The following ATXN1 variants were observed in gnomAD, a reference collection of about 807,000 sequenced individuals.
ATXN1 encodes ataxin 1, also known as ataxin-1.
In ATXN1, 8 loss-of-function variants were observed where a neutral mutation model predicts 56.4. That is an observed-to-expected ratio of 0.14 (90% CI 0.08 to 0.26). The LOEUF is 0.26. ATXN1 is among the 10% of genes least tolerant of loss of function. The pLI, the probability that ATXN1 is intolerant of heterozygous loss-of-function variation, is 1.00. For missense variants in ATXN1, 987 were observed against 1,106.5 expected (o/e 0.89, Z 1.53); for synonymous variants, 514 against 494.6 (o/e 1.04, Z -0.52).
At chr6:16,365,368 G>A (rs577301753) in intron 6 of ATXN1, among the ~76,000 whole-genome samples, 86 of 152,236 alleles carry the variant, frequency 5.6e-4, no homozygotes, top group Non-Finnish European at 1.1e-3. Flanking sequence ...AGTAGAGATG[G>A]GGTTTCACCA....
At chr6:16,730,066 T>C (rs1759933992) in intron 2 of ATXN1, among the ~76,000 whole-genome samples, 1 of 152,200 alleles carries the variant, frequency 6.6e-6, no homozygotes, top group South Asian at 2.1e-4. Context: ...GCAGATCACT[T>C]GAGGTCAGGA....
intron 2 of ATXN1, among the ~76,000 whole-genome samples, chr6:16,664,469 G>A (rs1049165771): frequency 6.6e-6 from 1 of 152,098 alleles, no homozygotes; most frequent in Non-Finnish European, 1.5e-5. Context: ...GGAACATTAT[G>A]TTGTGCCAAA....
rs1760214389 is a variant in ATXN1 at position 16,305,276 on chromosome 6, A to AG, written c.*1052_*1053insC. On this transcript the variant is annotated 3_prime_UTR_variant, in exon 8 of 8. Transcript: ENST00000436367. ...TTCCTCATGTCACACTGGAATCTGA[A>AG]AAAAAAAAAAAGTGGCACCCGAGTT... 6.7e-6 allele frequency: 1 copy of AG among 149,876 alleles called. No individual in the cohort carries two copies. Among genetic ancestry groups the AG allele is most frequent in the African/African-American group, 2.5e-5 (1 of 40,330 alleles). The allele number at this position is 149,876 out of a possible 1,614,324, so 9.3% of individuals were successfully genotyped here.
intron 6 of ATXN1, among the ~76,000 whole-genome samples, chr6:16,393,498 G>A (rs1174794255): frequency 6.6e-6 from 1 of 152,172 alleles, no homozygotes; most frequent in Non-Finnish European, 1.5e-5. Flanking sequence ...GCCTTCCAAA[G>A]TGTTGGAATT....
chr6:16,688,334 A>G (rs1758962342), intron 2 of ATXN1, among the ~76,000 whole-genome samples: 1 of 152,218 alleles, frequency 6.6e-6, no homozygotes, highest in Non-Finnish European at 1.5e-5. Context: ...ATATAAGTAA[A>G]TGAAGAAACA....
chr6:16,395,885 C>T (rs911819625), intron 6 of ATXN1, among the ~76,000 whole-genome samples: 2 of 151,972 alleles, frequency 1.3e-5, no homozygotes, highest in Non-Finnish European at 2.9e-5. Context: ...CATAGTGGCA[C>T]GTGCCTGTAA....
intron 3 of ATXN1, among the ~76,000 whole-genome samples, chr6:16,623,910 A>G (rs980051505): frequency 1.3e-5 from 2 of 152,276 alleles, no homozygotes; most frequent in African/African-American, 4.8e-5. Context: ...GCCAGTCATA[A>G]AAGGACAAAT....
intron 6 of ATXN1, among the ~76,000 whole-genome samples, chr6:16,476,423 T>C (rs1426055477): frequency 6.6e-6 from 1 of 152,190 alleles, no homozygotes; most frequent in Admixed American, 6.5e-5. Flanking sequence ...ATTAGTTGTA[T>C]TTCTTATTCA....
intron 4 of ATXN1, among the ~76,000 whole-genome samples, chr6:16,530,895 T>G (rs10155678): frequency 0.032 from 4,898 of 152,254 alleles, 259 homozygotes; most frequent in African/African-American, 0.11. Flanking sequence ...CAATGCTTAT[T>G]ATACATAATT....
Position 16,306,270 on chromosome 6 carries a change from A to G in ATXN1, c.*59T>C. On this transcript the variant is annotated 3_prime_UTR_variant, in exon 8 of 8. Transcript: ENST00000436367. This position sits in a 1 kb window ranked among gnomAD's most constrained non-coding sequence, Gnocchi z 5.2. Reference sequence around the variant, plus strand: ...ATACTGTGTTATTTTAGCCTACAGTACAGTAATCTGGATACAAATGATAAG... The same window carrying G: ...ATACTGTGTTATTTTAGCCTACAGTGCAGTAATCTGGATACAAATGATAAG... 1 of 1,520,148 alleles carries G rather than the reference A, an allele frequency of 6.6e-7. No individual in the cohort carries two copies. Among genetic ancestry groups the G allele is most frequent in the Non-Finnish European group, 8.8e-7 (1 of 1,136,074 alleles). The allele number at this position is 1,520,148 out of a possible 1,614,324, so 94.2% of individuals were successfully genotyped here. A position where few individuals can be genotyped will look rare whatever the true frequency, so the allele number is the denominator to read the frequency against.
chr6:16,626,364 A>G (rs1444839589), intron 3 of ATXN1, among the ~76,000 whole-genome samples: 1 of 152,040 alleles, frequency 6.6e-6, no homozygotes, highest in Non-Finnish European at 1.5e-5. Context: ...ATCTTAGCTC[A>G]CTGCAACCTC....
chr6:16,502,646 T>A (rs887170669), intron 5 of ATXN1, among the ~76,000 whole-genome samples: 1 of 152,338 alleles, frequency 6.6e-6, no homozygotes, highest in Admixed American at 6.5e-5. Context: ...GAATCGGAAT[T>A]GTCAACCAGG....
intron 6 of ATXN1, among the ~76,000 whole-genome samples, chr6:16,388,828 C>A (rs1453231916): frequency 6.6e-6 from 1 of 152,206 alleles, no homozygotes; most frequent in African/African-American, 2.4e-5. Flanking sequence ...AAAGCTAATT[C>A]ATAGGCTTGC....
intron 3 of ATXN1, among the ~76,000 whole-genome samples, chr6:16,605,022 C>A (rs1762978820): frequency 2.0e-5 from 3 of 152,146 alleles, no homozygotes; most frequent in Admixed American, 2.0e-4. Context: ...AAGTGTTAAA[C>A]ACACTAGAGA....
At chr6:16,314,910 C>T (rs985708364) in intron 7 of ATXN1, among the ~76,000 whole-genome samples, 2 of 152,136 alleles carry the variant, frequency 1.3e-5, no homozygotes, top group African/African-American at 4.8e-5. Flanking sequence ...CGTGCCCGGC[C>T]TCAAAATATT....
chr6:16,329,734 C>A (rs1760936821), intron 6 of ATXN1, among the ~76,000 whole-genome samples: 1 of 152,190 alleles, frequency 6.6e-6, no homozygotes. Context: ...CTCTTTCAGA[C>A]AAATCAGATC....
chr6:16,357,687 C>T (rs1461828083), intron 6 of ATXN1, among the ~76,000 whole-genome samples: 1 of 152,198 alleles, frequency 6.6e-6, no homozygotes, highest in Non-Finnish European at 1.5e-5. Flanking sequence ...ATCCAATCAG[C>T]TCAGTTCCCA....
chr6:16,506,943 G>C lies in ATXN1; in HGVS notation c.-299+15684C>G, dbSNP rs1257300543. ...GTATGTACAGCTGGATGGATGAATG[G>C]ACAGATGGATGGATGGACAGACAAA... On this transcript the variant is annotated intron_variant, in intron 5 of 7. Transcript: ENST00000436367. This position sits in a 1 kb window ranked among gnomAD's most constrained non-coding sequence, Gnocchi z 4.1. 6.6e-6 allele frequency among the ~76,000 whole-genome samples: 1 copy of C among 152,194 alleles called. No individual in the cohort carries two copies. The highest frequency in any genetic ancestry group is 1.5e-5 in the Non-Finnish European group (1 of 68,034).
At chr6:16,450,327 C>T (rs540811696) in intron 6 of ATXN1, among the ~76,000 whole-genome samples, 3 of 152,252 alleles carry the variant, frequency 2.0e-5, no homozygotes, top group African/African-American at 7.2e-5. Context: ...TGTTTGGGAG[C>T]AAGTAGGCAA....
Sources: gnomAD v4.1 joint callset for allele counts (sites outside exome capture counted in the v4.1 genomes callset) on GRCh38, gnomAD v4.1.1 for gene constraint, Gnocchi (gnomAD v3.1) non-coding constraint, MANE v1.5 for transcripts, NCBI Gene and HGNC (gene_info 2026-07-23, HGNC 2026-07-21) for gene names.